Variants in GRM7 observed in about 807,000 individuals in gnomAD.
GRM7 encodes the protein glutamate metabotropic receptor 7.
A neutral mutation model predicts 84.5 loss-of-function variants in GRM7; 35 were observed. The observed-to-expected ratio is 0.41, with a 90% CI of 0.32 to 0.55. The LOEUF is 0.55. Among genes scored for constraint, GRM7 ranks in the 20% least tolerant of loss-of-function variants. GRM7 has a pLI of 0.19. For synonymous variants in GRM7, 487 were observed against 455.1 expected, an observed-to-expected ratio of 1.07 and a Z score of -0.89; for missense variants, 1,003 against 1,194.6, an observed-to-expected ratio of 0.84 and a Z score of 2.36.
In GRM7 at chr3:7,394,197, C is replaced by G. The variant is rs184479639; in HGVS notation, c.1034-20826C>G. ...ACTGCTCTCCTTCCTCTCTCTTGTC[C>G]TAACTTCTTGCTCTGTTTTGAACCA... is the stretch of plus-strand genomic sequence containing the variant. On this transcript the variant is annotated intron_variant, in intron 4 of 9. Transcript: ENST00000357716. Among the ~76,000 whole-genome samples, 4 of 152,286 alleles carry G rather than the reference C, an allele frequency of 2.6e-5. No homozygotes were observed. In the East Asian group the frequency reaches 7.7e-4, roughly 29 times the overall value.
chr3:7,398,345 A>T (rs1255722757), intron 4 of GRM7, among the ~76,000 whole-genome samples: 1 of 152,144 alleles, frequency 6.6e-6, no homozygotes, highest in Non-Finnish European at 1.5e-5. Context: ...AGTTATAGAG[A>T]ACATAGCAGT....
chr3:6,938,993 C>A (rs1697791017), intron 1 of GRM7, among the ~76,000 whole-genome samples: 1 of 152,210 alleles, frequency 6.6e-6, no homozygotes, highest in African/African-American at 2.4e-5. Context: ...AAACTAACCC[C>A]TCTCGATCTC....
At chr3:7,585,676 C>A (rs1489778841) in intron 8 of GRM7, among the ~76,000 whole-genome samples, 1 of 152,154 alleles carries the variant, frequency 6.6e-6, no homozygotes, top group Non-Finnish European at 1.5e-5. Context: ...CACTTTTCCC[C>A]ATAGGTGTCT....
At chr3:7,212,329 TTTTC>T (rs1274822889) in intron 2 of GRM7, among the ~76,000 whole-genome samples, 1 of 151,998 alleles carries the variant, frequency 6.6e-6, no homozygotes, top group African/African-American at 2.4e-5. Flanking sequence ...ATTTATTTCT[TTTTC>T]TCCATTCATT....
chr3:7,660,333 C>T (rs1043510159), intron 8 of GRM7, among the ~76,000 whole-genome samples: 2 of 152,146 alleles, frequency 1.3e-5, no homozygotes, highest in Admixed American at 6.5e-5. Context: ...GCAAAAACAT[C>T]TGACTTGAAT....
At chr3:7,075,864 A>C (rs1698059991) in intron 1 of GRM7, among the ~76,000 whole-genome samples, 1 of 152,066 alleles carries the variant, frequency 6.6e-6, no homozygotes, top group South Asian at 2.1e-4. Context: ...TCTAGAAGGA[A>C]TCTTTCATAG....
intron 7 of GRM7, among the ~76,000 whole-genome samples, chr3:7,546,345 C>A (rs1032799091): frequency 4.6e-5 from 7 of 152,140 alleles, no homozygotes; most frequent in African/African-American, 1.7e-4. Context: ...GACACCTGAC[C>A]ATGGCAGTAG....
intron 1 of GRM7, among the ~76,000 whole-genome samples, chr3:7,143,200 C>G (rs1031113145): frequency 2.6e-5 from 4 of 152,074 alleles, no homozygotes; most frequent in African/African-American, 7.2e-5. Context: ...GTTGTAGGTA[C>G]CAGTAGTAGC....
At chr3:7,160,714 A>C (rs1694596861) in intron 2 of GRM7, among the ~76,000 whole-genome samples, 1 of 152,084 alleles carries the variant, frequency 6.6e-6, no homozygotes, top group Non-Finnish European at 1.5e-5. Context: ...AAAAGAACCT[A>C]TTGGAGGTAA....
chr3:7,631,267 G>T (rs1697847381), intron 8 of GRM7, among the ~76,000 whole-genome samples: 1 of 151,260 alleles, frequency 6.6e-6, no homozygotes. Flanking sequence ...GCAAATCTTT[G>T]TAAAAGATAA....
At chr3:7,391,854 G>A (rs1036338644) in intron 4 of GRM7, among the ~76,000 whole-genome samples, 7 of 152,040 alleles carry the variant, frequency 4.6e-5, no homozygotes, top group Admixed American at 3.3e-4. Context: ...TTTGCCTTCA[G>A]TGGGGGTGGA....
chr3:7,598,718 G>A (rs190254614), intron 8 of GRM7, among the ~76,000 whole-genome samples: 47 of 152,134 alleles, frequency 3.1e-4, no homozygotes, highest in Admixed American at 1.3e-4. Context: ...GTTTAATGAG[G>A]TACACTTCAA....
At chr3:7,387,991 T>A (rs151100086) in intron 4 of GRM7, among the ~76,000 whole-genome samples, 28 of 152,244 alleles carry the variant, frequency 1.8e-4, no homozygotes, top group African/African-American at 6.5e-4. Context: ...GTTTTCCTCA[T>A]ATAGATCTTT....
chr3:7,496,826 C>T (rs2092982993), intron 7 of GRM7, among the ~76,000 whole-genome samples: 1 of 151,790 alleles, frequency 6.6e-6, no homozygotes, highest in Non-Finnish European at 1.5e-5. Flanking sequence ...TATACCCACA[C>T]ACACTCAGAA....
chr3:7,343,960 T>A (rs775858369), intron 4 of GRM7, among the ~76,000 whole-genome samples: 22 of 152,172 alleles, frequency 1.4e-4, no homozygotes, highest in Non-Finnish European at 2.9e-4. Flanking sequence ...CGGCTAGAGC[T>A]AAAAGGTTGA....
At chr3:7,459,097 G>T (rs935670474) in intron 6 of GRM7, among the ~76,000 whole-genome samples, 1 of 152,096 alleles carries the variant, frequency 6.6e-6, no homozygotes, top group Admixed American at 6.6e-5. Context: ...ATGATAAAGT[G>T]GGTGCCTTTG....
rs141204379 is a variant in GRM7 at position 7,318,749 on chromosome 3, T to C, written c.1033+12097T>C. ...AAAATGACCTTCTTCTAACTTTAAG[T>C]AGAAACTGTTTTTTCCTTAGTCAAT... On this transcript the variant is annotated intron_variant, in intron 4 of 9. Transcript: ENST00000357716. 5.4e-3 allele frequency among the ~76,000 whole-genome samples: 824 copies of C among 152,198 alleles called. 11 individuals carry two copies. Among genetic ancestry groups the C allele is most frequent in the African/African-American group, 0.019 (783 of 41,562 alleles).
intron 7 of GRM7, among the ~76,000 whole-genome samples, chr3:7,552,290 G>A (rs1330011970): frequency 6.6e-6 from 1 of 152,190 alleles, no homozygotes; most frequent in Non-Finnish European, 1.5e-5. Flanking sequence ...GTAGGGTACA[G>A]CCCCACTCCT....
intron 1 of GRM7, among the ~76,000 whole-genome samples, chr3:6,974,300 G>A (rs1456170643): frequency 6.6e-6 from 1 of 152,152 alleles, no homozygotes; most frequent in Non-Finnish European, 1.5e-5. Context: ...AAATTGACAT[G>A]TTATGTTCAT....
Sources: allele counts gnomAD v4.1 joint callset (sites outside exome capture counted in the v4.1 genomes callset), GRCh38; gene constraint gnomAD v4.1.1; transcripts MANE v1.5; gene names NCBI Gene and HGNC (gene_info 2026-07-23, HGNC 2026-07-21).